VOPP1: variants seen among roughly 807,000 people sequenced by gnomAD.
VOPP1 encodes the protein VOPP1 WW domain binding protein, also known as WW domain binding protein VOPP1.
In VOPP1, 8 loss-of-function variants were observed where a neutral mutation model predicts 23.5. The ratio of observed to expected loss-of-function variants is 0.34; its 90% CI spans 0.20 to 0.61. The LOEUF (loss-of-function observed/expected upper bound fraction) is 0.61. Among genes scored for constraint, VOPP1 ranks in the 20% least tolerant of loss-of-function variants. The probability of loss-of-function intolerance (pLI) is 0.78; values close to 1 mark genes in which losing one functional copy is unlikely to be tolerated. For synonymous variants in VOPP1, 83 were observed against 97.3 expected, an observed-to-expected ratio of 0.85 and a Z score of 0.86; for missense variants, 174 against 238.1, an observed-to-expected ratio of 0.73 and a Z score of 1.77.
chr7:55,477,793 A>C (rs1171754406), intron 4 of VOPP1, among the ~76,000 whole-genome samples: 1 of 152,226 alleles, frequency 6.6e-6, no homozygotes, highest in African/African-American at 2.4e-5. Context: ...TGTACTTGTC[A>C]AGAACATGAA....
In VOPP1 at chr7:55,538,521, C is replaced by A. The variant is rs920876941; in HGVS notation, c.55-17391G>T. ...CACACAAAAAGAACAACCCTATGGT[C>A]CAAAGACTGAGGATTCCACAGTCCA... On this transcript the variant is annotated intron_variant, in intron 1 of 4. Transcript: ENST00000285279. 4.9e-6 allele frequency: 6 copies of A among 1,229,694 alleles called. No homozygotes were observed. In the African/African-American group the frequency reaches 7.5e-5, roughly 15 times the overall value. The allele number at this position is 1,229,694 out of a possible 1,614,324, so 76.2% of individuals were successfully genotyped here.
intron 2 of VOPP1, among the ~76,000 whole-genome samples, chr7:55,503,033 C>T (rs554577445): frequency 6.6e-6 from 1 of 152,210 alleles, no homozygotes; most frequent in African/African-American, 2.4e-5. Flanking sequence ...TAGCAGCAGA[C>T]ATGGGCCCCT....
At chr7:55,477,176 T>A (rs1390944103) in intron 4 of VOPP1, among the ~76,000 whole-genome samples, 1 of 152,216 alleles carries the variant, frequency 6.6e-6, no homozygotes, top group African/African-American at 2.4e-5. Flanking sequence ...CAGGCACCCC[T>A]GTCCTCTGGT....
intron 2 of VOPP1, chr7:55,515,851 G>A: frequency 2.0e-6 from 1 of 508,262 alleles, no homozygotes; most frequent in Non-Finnish European, 2.5e-6. Context: ...CGCCACCTTA[G>A]TCGGCAGCAC....
In VOPP1 at chr7:55,485,947, G is replaced by A. The variant is rs904638934; in HGVS notation, c.328+6335C>T. Among the ~76,000 whole-genome samples the A allele has an allele frequency of 5.9e-5, 9 of 152,224 alleles. No individual in the cohort carries two copies. In the South Asian group the frequency reaches 6.2e-4, roughly 10 times the overall value. On this transcript the variant is annotated intron_variant, in intron 4 of 4. Transcript: ENST00000285279. ...ATCTGAAGGAGGCTCTGCTTCCCAC[G>A]GGGAGAGGAATGCAGCCAGCGAGGC...
chr7:55,535,747 T>C (rs772233859), intron 1 of VOPP1, among the ~76,000 whole-genome samples: 16 of 152,174 alleles, frequency 1.1e-4, no homozygotes, highest in Non-Finnish European at 2.1e-4. Context: ...TTCCCTTCCG[T>C]GAACTTATTT....
intron 1 of VOPP1, chr7:55,539,456 T>A (rs528169504): frequency 1.2e-4 from 19 of 152,308 alleles, no homozygotes; most frequent in African/African-American, 3.9e-4. Context: ...AATCCCCAGA[T>A]GATTTAAGAA....
At chr7:55,506,096 C>T (rs923859783) in intron 2 of VOPP1, among the ~76,000 whole-genome samples, 12 of 152,200 alleles carry the variant, frequency 7.9e-5, no homozygotes, top group African/African-American at 2.7e-4. Flanking sequence ...TGGCGACTGT[C>T]CTGACAAGCC....
intron 1 of VOPP1, among the ~76,000 whole-genome samples, chr7:55,527,873 A>C (rs1036411148): frequency 4.6e-5 from 7 of 152,226 alleles, no homozygotes; most frequent in Non-Finnish European, 1.0e-4. Flanking sequence ...AAATTACAAT[A>C]GTATGGTTTT....
intron 4 of VOPP1, among the ~76,000 whole-genome samples, chr7:55,487,183 G>GT (rs1214306745): frequency 6.6e-6 from 1 of 152,144 alleles, no homozygotes; most frequent in Non-Finnish European, 1.5e-5. Context: ...TTTTCTTGCA[G>GT]TTGGTGTCAT....
At chr7:55,560,525 G>A (rs1461370660) in intron 1 of VOPP1, among the ~76,000 whole-genome samples, 1 of 152,184 alleles carries the variant, frequency 6.6e-6, no homozygotes, top group Non-Finnish European at 1.5e-5. Flanking sequence ...GTCCCTAGAT[G>A]CTGGGACAGG....
At position 55,477,726 on chromosome 7, in the gene VOPP1, T is replaced by C. The variant is rs547123975; in HGVS notation, c.329-4681A>G. On this transcript the variant is annotated intron_variant, in intron 4 of 4. Coordinates refer to ENST00000285279, the MANE Select transcript of VOPP1 (RefSeq NM_030796.5). ...GGGACGGGATTGAAATATTTGAACA[T>C]GGAGATGGAGAGGTATTTGGAATAT... Among the ~76,000 whole-genome samples, 5 of 152,186 alleles carry C rather than the reference T, an allele frequency of 3.3e-5. No homozygotes were observed. In the East Asian group the frequency reaches 7.7e-4, roughly 24 times the overall value.
intron 2 of VOPP1, chr7:55,515,973 C>T (rs1399886001): frequency 1.3e-5 from 13 of 985,400 alleles, no homozygotes; most frequent in African/African-American, 8.7e-5. Flanking sequence ...GAAGCTCACA[C>T]GGTGGCCCCT....
chr7:55,551,182 C>A (rs1797591978), intron 1 of VOPP1, among the ~76,000 whole-genome samples: 1 of 152,220 alleles, frequency 6.6e-6, no homozygotes, highest in Non-Finnish European at 1.5e-5. Context: ...GACTTCTCTA[C>A]AGCAAGGCAC....
chr7:55,459,658 T>C (rs565440772), intron 4 of VOPP1, among the ~76,000 whole-genome samples: 15 of 152,212 alleles, frequency 9.9e-5, no homozygotes, highest in Admixed American at 5.2e-4. Context: ...TTGTTGGCTA[T>C]AGTTGTTCAT....
downstream of VOPP1, among the ~76,000 whole-genome samples, chr7:55,468,663 C>T (rs1791697016): frequency 6.6e-6 from 1 of 152,254 alleles, no homozygotes; most frequent in Non-Finnish European, 1.5e-5. Flanking sequence ...CTGGAAGTGC[C>T]TGGGCGGGGC....
At chr7:55,520,108 T>C (rs117088346) in intron 2 of VOPP1, among the ~76,000 whole-genome samples, 1,671 of 152,144 alleles carry the variant, frequency 0.011, 11 homozygotes, top group Middle Eastern at 0.02. Flanking sequence ...AGCCTGGTGA[T>C]ACAGCAGGAC....
chr7:55,487,024 C>A (rs1020114976), intron 4 of VOPP1, among the ~76,000 whole-genome samples: 2 of 152,198 alleles, frequency 1.3e-5, no homozygotes, highest in African/African-American at 4.8e-5. Flanking sequence ...CATCCCCGCA[C>A]GTCAGAAGCA....
chr7:55,487,522 A>G (rs1481080352), intron 4 of VOPP1, among the ~76,000 whole-genome samples: 1 of 152,182 alleles, frequency 6.6e-6, no homozygotes, highest in Admixed American at 6.5e-5. Context: ...CACAGGCTTA[A>G]TCACAGTACA....
Sources: allele counts gnomAD v4.1 joint callset (sites outside exome capture counted in the v4.1 genomes callset), GRCh38; gene constraint gnomAD v4.1.1; transcripts MANE v1.5; gene names NCBI Gene and HGNC (gene_info 2026-07-23, HGNC 2026-07-21).